Variants in B3GNT2 observed in about 807,000 individuals in gnomAD.
B3GNT2 encodes the protein UDP-GlcNAc:betaGal beta-1,3-N-acetylglucosaminyltransferase 2, also known as N-acetyllactosaminide beta-1,3-N-acetylglucosaminyltransferase 2.
B3GNT2 carries 12 observed loss-of-function variants against 27.6 expected under a neutral mutation model. That is an observed-to-expected ratio of 0.44 (90% CI 0.28 to 0.71). B3GNT2 has a LOEUF of 0.71. Ranked by LOEUF, B3GNT2 falls within the 30% of genes least tolerant of loss-of-function variation. The probability of loss-of-function intolerance (pLI) is 0.17; values close to 1 mark genes in which losing one functional copy is unlikely to be tolerated. For missense variants in B3GNT2, 413 were observed against 488.5 expected (o/e 0.85, Z 1.46); for synonymous variants, 192 against 189.7 (o/e 1.01, Z -0.10).
At chr2:62,196,482 C>G (rs576104300) in intron 1 of B3GNT2, 127 bp downstream of exon 1, 2 of 152,780 alleles carry the variant, frequency 1.3e-5, no homozygotes, top group Non-Finnish European at 2.9e-5. Context: ...CCTGCTACCC[C>G]CGCCCGGTTC....
At chr2:62,211,080 G>T (rs1190759641) in intron 1 of B3GNT2, among the ~76,000 whole-genome samples, 1 of 152,212 alleles carries the variant, frequency 6.6e-6, no homozygotes, top group Non-Finnish European at 1.5e-5. Flanking sequence ...AAGCAGTTGG[G>T]TGGGGTGGCT....
At chr2:62,208,663 C>T (rs781123780) in intron 1 of B3GNT2, among the ~76,000 whole-genome samples, 21 of 152,102 alleles carry the variant, frequency 1.4e-4, no homozygotes, top group Non-Finnish European at 2.2e-4. Context: ...TGAAATTATC[C>T]AAGAATGGTT....
chr2:62,217,202 C>G (rs940049913), intron 1 of B3GNT2, among the ~76,000 whole-genome samples: 1 of 152,218 alleles, frequency 6.6e-6, no homozygotes, highest in African/African-American at 2.4e-5. Flanking sequence ...GAAAATTAGA[C>G]ACAAATCCCT....
chr2:62,218,699 A>G (rs1384713741), intron 1 of B3GNT2, among the ~76,000 whole-genome samples: 1 of 152,198 alleles, frequency 6.6e-6, no homozygotes, highest in Non-Finnish European at 1.5e-5. Flanking sequence ...TAACTCTTCC[A>G]TAATATTCAG....
chr2:62,197,851 G>A (rs998387909), intron 1 of B3GNT2, among the ~76,000 whole-genome samples: 5 of 151,862 alleles, frequency 3.3e-5, no homozygotes, highest in Non-Finnish European at 2.9e-5. Flanking sequence ...AGGGCAGGGC[G>A]GTCACTTCCC....
At chr2:62,221,965 T>A (rs891485031) in intron 1 of B3GNT2, 25 of 567,636 alleles carry the variant, frequency 4.4e-5, no homozygotes, top group African/African-American at 4.3e-4. Context: ...TATAACATCA[T>A]ATACTCACAA....
chr2:62,221,896 TCAAA>T lies in B3GNT2; in HGVS notation c.-9-313_-9-310del, dbSNP rs1190538253. 66 of 541,230 alleles carry T rather than the reference TCAAA, an allele frequency of 1.2e-4. No homozygotes were observed. In the East Asian group the frequency reaches 1.2e-3, roughly 10 times the overall value. 33.5% of individuals were successfully genotyped at this position (541,230 alleles called of 1,614,324 possible). On this transcript the variant is annotated intron_variant, in intron 1 of 1. Transcript: ENST00000301998. ...TAGGTATTTCTAGCTTCAGCATGTC[TCAAA>T]CAGTCACTTACATAGTGCTTGCTGT...
intron 1 of B3GNT2, among the ~76,000 whole-genome samples, chr2:62,220,623 C>CT (rs1354538775): frequency 6.6e-6 from 1 of 152,168 alleles, no homozygotes; most frequent in Non-Finnish European, 1.5e-5. Flanking sequence ...ATGGTACAGA[C>CT]TTGGAATCTG....
At position 62,223,667 on chromosome 2, in the gene B3GNT2, A is replaced by G. The variant is rs1305892471; in HGVS notation, c.*253A>G. ...ACCGGCTAGTGGTCATTTTTAAAAA[A>G]CTTGTACCCTCTTATCTGAAATCCT... On this transcript the variant is annotated 3_prime_UTR_variant, in exon 2 of 2. Transcript: ENST00000301998. The G allele has an allele frequency of 8.3e-6, 3 of 359,888 alleles. No individual in the cohort carries two copies. The highest frequency in any genetic ancestry group is 1.6e-5 in the Non-Finnish European group (3 of 190,500). The allele number at this position is 359,888 out of a possible 1,614,324, so 22.3% of individuals were successfully genotyped here. A position where few individuals can be genotyped will look rare whatever the true frequency, so the allele number is the denominator to read the frequency against.
intron 1 of B3GNT2, among the ~76,000 whole-genome samples, chr2:62,208,727 T>C (rs1035477337): frequency 2.0e-5 from 3 of 152,194 alleles, no homozygotes; most frequent in Non-Finnish European, 4.4e-5. Context: ...ATACAAAATG[T>C]CCTTAGATTA....
chr2:62,196,788 C>T (rs530585211), intron 1 of B3GNT2, among the ~76,000 whole-genome samples: 341 of 152,270 alleles, frequency 2.2e-3, no homozygotes, highest in African/African-American at 8.0e-3. Context: ...CGGGCCTCCT[C>T]ATCCGGGGCG....
chr2:62,204,310 A>C (rs1674327215), intron 1 of B3GNT2, among the ~76,000 whole-genome samples: 1 of 152,136 alleles, frequency 6.6e-6, no homozygotes, highest in Non-Finnish European at 1.5e-5. Flanking sequence ...AAATTTTTCT[A>C]ATTGTTTATT....
Position 62,222,883 on chromosome 2 carries a change from T to C in B3GNT2, c.663T>C (p.Ser221=). Residue 221 remains serine (S), a synonymous_variant, in exon 2 of 2, where the codon TCT becomes TCC. Coordinates refer to ENST00000301998, the MANE Select transcript of B3GNT2 (RefSeq NM_006577.6). This position sits in a 1 kb window ranked among gnomAD's most constrained non-coding sequence, Gnocchi z 4.2. The stretch of plus-strand genomic sequence containing the variant: ...ACAGAGACACTTTCTTCAACTTGTC[T>C]CTGAAGGAAGTGCTGTTTCTCAGGT... ...WNYRDTFFNL[S]LKEVLFLRWV... The C allele has an allele frequency of 6.2e-7, 1 of 1,614,188 alleles. No individual in the cohort carries two copies. The highest frequency in any genetic ancestry group is 8.5e-7 in the Non-Finnish European group (1 of 1,180,044).
chr2:62,209,037 G>T (rs1474176296), intron 1 of B3GNT2, among the ~76,000 whole-genome samples: 1 of 152,066 alleles, frequency 6.6e-6, no homozygotes, highest in Non-Finnish European at 1.5e-5. Context: ...CCCAGGCTGG[G>T]TCGGAGTGCA....
rs1674733926 is a variant in B3GNT2, at chr2:62,222,524, G to A, written c.304G>A (p.Val102Ile). The change falls in exon 2 of 2, where the codon GTC becomes ATC. Residue 102 changes from valine (V) to isoleucine (I), a missense_variant. Transcript: ENST00000301998. The surrounding 1 kb of genome is among the most constrained non-coding windows in gnomAD (Gnocchi z 4.2). Reference protein sequence around the residue: ...HLNYCEPDLRVTSVVTGFNNL... With the variant: ...HLNYCEPDLRITSVVTGFNNL... The stretch of plus-strand genomic sequence containing the variant: ...GAACTACTGCGAACCTGACCTGAGG[G>A]TCACGTCGGTGGTTACGGGTTTTAA... 1 of 1,614,152 alleles carries A rather than the reference G, an allele frequency of 6.2e-7. No individual in the cohort carries two copies. The highest frequency in any genetic ancestry group is 8.5e-7 in the Non-Finnish European group (1 of 1,180,028).
At chr2:62,214,577 T>C (rs895969733) in intron 1 of B3GNT2, among the ~76,000 whole-genome samples, 2 of 152,134 alleles carry the variant, frequency 1.3e-5, no homozygotes, top group Non-Finnish European at 2.9e-5. Flanking sequence ...GCTCATGGCA[T>C]TGAATGGAGG....
Position 62,224,151 on chromosome 2 carries a change from T to C in B3GNT2, c.*737T>C, listed in dbSNP as rs1674779897. 1.2e-5 allele frequency: 2 copies of C among 167,120 alleles called. No homozygotes were observed. Among genetic ancestry groups the C allele is most frequent in the Admixed American group, 1.3e-4 (2 of 15,288 alleles). 10.4% of individuals were successfully genotyped at this position (167,120 alleles called of 1,614,324 possible). On this transcript the variant is annotated 3_prime_UTR_variant, in exon 2 of 2. Coordinates refer to ENST00000301998, the MANE Select transcript of B3GNT2 (RefSeq NM_006577.6). ...TTTGAAAATCAGTGTGATTCCTTAA[T>C]GGCCAACTGAAGATTGAATTGCCGC...
Position 62,223,682 on chromosome 2 carries a change from T to G in B3GNT2, c.*268T>G, listed in dbSNP as rs1674769274. ...TTTTTAAAAAACTTGTACCCTCTTA[T>G]CTGAAATCCTGTTTCTGGAATTTGG... On this transcript the variant is annotated 3_prime_UTR_variant, in exon 2 of 2. Transcript: ENST00000301998. 3.2e-6 allele frequency: 1 copy of G among 315,854 alleles called. No individual in the cohort carries two copies. 19.6% of individuals were successfully genotyped at this position (315,854 alleles called of 1,614,324 possible).
In B3GNT2 at chr2:62,222,768, G is replaced by A. The variant is rs1674743497; in HGVS notation, c.548G>A (p.Gly183Asp). Residue 183 changes from glycine (G) to aspartate (D), a missense_variant, in exon 2 of 2, where the codon GGC becomes GAC. By Grantham distance (94) the Gly-to-Asp change is moderately conservative (BLOSUM62 -1). Coordinates refer to ENST00000301998, the MANE Select transcript of B3GNT2 (RefSeq NM_006577.6). The surrounding 1 kb of genome is among the most constrained non-coding windows in gnomAD (Gnocchi z 4.2). ...NQTVVRVFLL[G>D]QTPPEDNHPD... ...ACGGTGGTGCGAGTCTTCCTGCTGG[G>A]CCAGACACCCCCAGAGGACAACCAC... The A allele has an allele frequency of 6.2e-7, 1 of 1,614,036 alleles. No individual in the cohort carries two copies. Among genetic ancestry groups the A allele is most frequent in the Non-Finnish European group, 8.5e-7 (1 of 1,180,036 alleles).
Sources: gnomAD v4.1 joint callset for allele counts (sites outside exome capture counted in the v4.1 genomes callset) on GRCh38, gnomAD v4.1.1 for gene constraint, Gnocchi (gnomAD v3.1) non-coding constraint, MANE v1.5 for transcripts, NCBI Gene and HGNC (gene_info 2026-07-23, HGNC 2026-07-21) for gene names.